RNF150: variants seen among roughly 807,000 people sequenced by gnomAD.
The protein encoded by RNF150 is ring finger protein 150.
A neutral mutation model predicts 39.3 loss-of-function variants in RNF150; 24 were observed. The observed-to-expected ratio is 0.61, with a 90% CI of 0.44 to 0.86. The LOEUF (loss-of-function observed/expected upper bound fraction) is 0.86. RNF150 is among the 40% of genes least tolerant of loss of function. RNF150 has a pLI of 0.00. For synonymous variants in RNF150, 255 were observed against 227.3 expected (o/e 1.12, Z -1.10); for missense variants, 502 against 587.8 (o/e 0.85, Z 1.51).
Position 140,911,339 on chromosome 4 carries a change from T to C in RNF150, c.1003A>G (p.Met335Val), listed in dbSNP as rs964511318. The C allele has an allele frequency of 6.2e-7, 1 of 1,614,162 alleles. No individual in the cohort carries two copies. Among genetic ancestry groups the C allele is most frequent in the African/African-American group, 1.3e-5 (1 of 75,044 alleles). The change falls in exon 6 of 7, where the codon ATG becomes GTG. Residue 335 changes from methionine (M) to valine (V), a missense_variant. Coordinates refer to ENST00000515673, the MANE Select transcript of RNF150 (RefSeq NM_020724.2). ...TCGAAGTCAGTGGGCAAGTCGTCCA[T>C]GCAGTCGGCATTGGGCTGATGGGGC... ...ALGIPPNADC[M>V]DDLPTDFEGS...
intron 6 of RNF150, among the ~76,000 whole-genome samples, chr4:140,901,073 A>C (rs890318351): frequency 1.3e-5 from 2 of 152,218 alleles, no homozygotes; most frequent in African/African-American, 2.4e-5. Flanking sequence ...AATATAAAAT[A>C]GTAAAGGTCG....
At chr4:141,150,489 C>A (rs772052906) in intron 1 of RNF150, among the ~76,000 whole-genome samples, 7 of 152,198 alleles carry the variant, frequency 4.6e-5, no homozygotes, top group African/African-American at 1.4e-4. Context: ...TCTACCCTGG[C>A]CTCCCTTACA....
chr4:140,919,693 G>A (rs1207384892), intron 5 of RNF150, among the ~76,000 whole-genome samples: 7 of 151,292 alleles, frequency 4.6e-5, no homozygotes, highest in Admixed American at 1.3e-4. Flanking sequence ...CTACCTTAAA[G>A]TTCATATGGA....
chr4:141,035,128 C>G (rs908266920), intron 1 of RNF150, among the ~76,000 whole-genome samples: 36 of 152,216 alleles, frequency 2.4e-4, no homozygotes, highest in African/African-American at 8.7e-4. Flanking sequence ...AAAGCCATAG[C>G]TCCAACAAGT....
chr4:140,960,227 T>G (rs1732966385), intron 2 of RNF150, among the ~76,000 whole-genome samples: 1 of 152,140 alleles, frequency 6.6e-6, no homozygotes, highest in Non-Finnish European at 1.5e-5. Context: ...ATGGTAACCA[T>G]AGAACTCACC....
intron 4 of RNF150, among the ~76,000 whole-genome samples, chr4:140,933,334 T>C (rs1731723472): frequency 6.6e-6 from 1 of 152,156 alleles, no homozygotes; most frequent in South Asian, 2.1e-4. Context: ...TAACTCAACA[T>C]ATAGAAGAAG....
chr4:140,922,665 A>C lies in RNF150; in HGVS notation c.987+3312T>G, dbSNP rs191902029. ...AAAAAAGAGCCCGCATTGCCAAGTC[A>C]ATCCTAAGGCAAAAGAACAAAGCTG... is the stretch of plus-strand genomic sequence containing the variant. On this transcript the variant is annotated intron_variant, in intron 5 of 6. Transcript: ENST00000515673. 2.2e-3 allele frequency among the ~76,000 whole-genome samples: 333 copies of C among 152,216 alleles called. 1 individual carries two copies. The highest frequency in any genetic ancestry group is 7.3e-3 in the African/African-American group (304 of 41,460).
chr4:141,036,132 T>C (rs910006432), intron 1 of RNF150, among the ~76,000 whole-genome samples: 5 of 152,208 alleles, frequency 3.3e-5, no homozygotes, highest in African/African-American at 1.2e-4. Context: ...TAAAGATATC[T>C]ATGGCAAAAG....
At chr4:141,195,497 C>G (rs922759102) in intron 1 of RNF150, among the ~76,000 whole-genome samples, 3 of 152,182 alleles carry the variant, frequency 2.0e-5, no homozygotes, top group African/African-American at 7.2e-5. Flanking sequence ...CAAGTTGAAC[C>G]TTGATCTCAG....
intron 1 of RNF150, among the ~76,000 whole-genome samples, chr4:141,070,276 C>A (rs997044507): frequency 3.0e-4 from 45 of 152,234 alleles, no homozygotes; most frequent in Non-Finnish European, 6.2e-4. Context: ...ACCATAAAAA[C>A]CTTAGAAGAA....
chr4:141,116,067 A>G (rs1453042467), intron 1 of RNF150, among the ~76,000 whole-genome samples: 1 of 152,242 alleles, frequency 6.6e-6, no homozygotes, highest in Non-Finnish European at 1.5e-5. Flanking sequence ...AATACTGTTC[A>G]GGACATAGGC....
At chr4:140,964,658 G>A (rs1253347222) in intron 2 of RNF150, among the ~76,000 whole-genome samples, 1 of 151,918 alleles carries the variant, frequency 6.6e-6, no homozygotes, top group Non-Finnish European at 1.5e-5. Context: ...ACATTTGAAT[G>A]GGAAGATTAA....
rs149347598 is a variant in RNF150, at chr4:140,882,738, G to C, written c.1199-14359C>G. ...AATTTTTTCTGATATGAGCACCTCT[G>C]TTCTCTCTGGTTACCATTTACATGG... On this transcript the variant is annotated intron_variant, in intron 6 of 6. Transcript: ENST00000515673. Among the ~76,000 whole-genome samples the C allele has an allele frequency of 4.2e-3, 644 of 152,100 alleles. 4 individuals carry two copies. Among genetic ancestry groups the C allele is most frequent in the African/African-American group, 0.014 (599 of 41,532 alleles).
At chr4:141,045,933 T>C (rs1386919409) in intron 1 of RNF150, among the ~76,000 whole-genome samples, 2 of 152,164 alleles carry the variant, frequency 1.3e-5, no homozygotes, top group East Asian at 1.9e-4. Context: ...TCAATATGTA[T>C]GCAATACATT....
intron 1 of RNF150, among the ~76,000 whole-genome samples, chr4:141,197,232 T>TA (rs1396251740): frequency 1.3e-5 from 2 of 152,198 alleles, no homozygotes; most frequent in African/African-American, 2.4e-5. Context: ...TTGGTATTTG[T>TA]AAAAAATGTA....
chr4:140,948,382 A>C (rs1424816240), intron 3 of RNF150, among the ~76,000 whole-genome samples: 1 of 152,190 alleles, frequency 6.6e-6, no homozygotes, highest in Middle Eastern at 3.4e-3. Flanking sequence ...TTATATATGG[A>C]GTTGTAAATC....
In RNF150 at chr4:141,113,437, G is replaced by A. The variant is rs144283538; in HGVS notation, c.484+18888C>T. Among the ~76,000 whole-genome samples, 203 of 151,508 alleles carry A rather than the reference G, an allele frequency of 1.3e-3. 1 individual carries two copies. Among genetic ancestry groups the A allele is most frequent in the African/African-American group, 4.4e-3 (182 of 41,294 alleles). On this transcript the variant is annotated intron_variant, in intron 1 of 6. Transcript: ENST00000515673. ...AAGACAAAGAAGGGCATTACATAAC[G>A]GTAAAGGGATCAATGCAACAAGAAG...
At chr4:141,127,092 A>C (rs142751775) in intron 1 of RNF150, among the ~76,000 whole-genome samples, 3 of 152,222 alleles carry the variant, frequency 2.0e-5, no homozygotes, top group Admixed American at 2.0e-4. Context: ...CTGAAAGGGT[A>C]TACAGAGCTG....
chr4:141,117,443 T>C (rs1048366155), intron 1 of RNF150, among the ~76,000 whole-genome samples: 1 of 152,190 alleles, frequency 6.6e-6, no homozygotes, highest in Non-Finnish European at 1.5e-5. Flanking sequence ...AAACATGTTG[T>C]ACAGGTGTGT....
Sources: allele counts gnomAD v4.1 joint callset (sites outside exome capture counted in the v4.1 genomes callset), GRCh38; gene constraint gnomAD v4.1.1; transcripts MANE v1.5; gene names NCBI Gene and HGNC (gene_info 2026-07-23, HGNC 2026-07-21).